The following AP5Z1 variants were observed in gnomAD, a reference collection of about 807,000 sequenced individuals.
AP5Z1 encodes adaptor related protein complex 5 subunit zeta 1.
AP5Z1 carries 106 observed loss-of-function variants against 83.0 expected under a neutral mutation model. The ratio of observed to expected loss-of-function variants is 1.28; its 90% CI spans 1.09 to 1.50. The LOEUF (loss-of-function observed/expected upper bound fraction) is 1.50, where lower values mean the gene tolerates loss of function less well. Ranked by LOEUF, AP5Z1 falls within the 40% of genes most tolerant of loss-of-function variation. The probability of loss-of-function intolerance (pLI) is 0.00; values close to 1 mark genes in which losing one functional copy is unlikely to be tolerated. For synonymous variants in AP5Z1, 751 were observed against 514.1 expected (o/e 1.46, Z -6.23); for missense variants, 1,565 against 1,094.2 (o/e 1.43, Z -6.07).
At chr7:4,779,536 C>T (rs977597151) in intron 1 of AP5Z1, among the ~76,000 whole-genome samples, 4 of 151,120 alleles carry the variant, frequency 2.6e-5, no homozygotes, top group South Asian at 2.1e-4. Context: ...TGCAGTGGCA[C>T]AATCTCAGCT....
chr7:4,776,560 TACAAAAA>T (rs1562401127), intron 1 of AP5Z1, among the ~76,000 whole-genome samples: 2 of 43,544 alleles, frequency 4.6e-5, no homozygotes, highest in African/African-American at 2.3e-4. Flanking sequence ...CTACTGAAAA[TACAAAAA>T]AAAAAAAAAA....
chr7:4,793,093 G>C lies in AP5Z1; in HGVS notation c.*1708G>C, dbSNP rs1781838407. 6.6e-6 allele frequency: 1 copy of C among 152,396 alleles called. No homozygotes were observed. The allele number at this position is 152,396 out of a possible 1,614,324, so 9.4% of individuals were successfully genotyped here. A position where few individuals can be genotyped will look rare whatever the true frequency, so the allele number is the denominator to read the frequency against. On this transcript the variant is annotated 3_prime_UTR_variant, in exon 17 of 17. Coordinates refer to ENST00000649063, the MANE Select transcript of AP5Z1 (RefSeq NM_014855.3). ...AGCCTGTGCAGCAGCGCCCGGCTTAGGACTGGGAGTGTGACTTGAAGGGCC... is the reference window on the plus strand; with the variant it reads ...AGCCTGTGCAGCAGCGCCCGGCTTACGACTGGGAGTGTGACTTGAAGGGCC...
intron 15 of AP5Z1, 37 bp from the exon 16 acceptor site, chr7:4,790,636 G>A (rs750450650): frequency 2.0e-5 from 32 of 1,612,142 alleles, no homozygotes; most frequent in Non-Finnish European, 2.5e-5. Flanking sequence ...GACCCAGGAG[G>A]CCTGGGTGGG....
In AP5Z1 at chr7:4,775,684, G is replaced by C; in HGVS notation, c.-32G>C. ...CTGGGCTGCAGCTCCTGGAGTTTCCGAGGTTCGTGCGCGTCTGGTGGCGGC... is the reference window on the plus strand; with the variant it reads ...CTGGGCTGCAGCTCCTGGAGTTTCCCAGGTTCGTGCGCGTCTGGTGGCGGC... On this transcript the variant is annotated 5_prime_UTR_variant, in exon 1 of 17. Transcript: ENST00000649063. 6.2e-7 allele frequency: 1 copy of C among 1,606,332 alleles called. No homozygotes were observed. The highest frequency in any genetic ancestry group is 8.5e-7 in the Non-Finnish European group (1 of 1,179,668).
rs1781736249 is a variant in AP5Z1 at position 4,790,698 on chromosome 7, CGGT to C, written c.1966_1968del (p.Val656del). 6 of 1,611,400 alleles carry C rather than the reference CGGT, an allele frequency of 3.7e-6. No individual in the cohort carries two copies. In the Middle Eastern group the frequency reaches 4.9e-4, roughly 133 times the overall value. Reference sequence around the variant, plus strand: ...GTGTGGGCCATCGGCGAGTACCTGTCGGTGACCTACGATCGGAGGTGCACCGTG... The same window carrying C: ...GTGTGGGCCATCGGCGAGTACCTGTCGACCTACGATCGGAGGTGCACCGTG... On this transcript the variant is annotated inframe_deletion, in exon 16 of 17. Transcript: ENST00000649063.
chr7:4,783,135 G>A (rs999025144), intron 3 of AP5Z1, among the ~76,000 whole-genome samples, 181 bp from the exon 4 acceptor site: 4 of 152,216 alleles, frequency 2.6e-5, no homozygotes, highest in Non-Finnish European at 4.4e-5. Flanking sequence ...GAGAGAGGCT[G>A]GAGGCGGAGC....
chr7:4,782,601 C>A (rs901836318), intron 3 of AP5Z1, among the ~76,000 whole-genome samples: 1 of 152,044 alleles, frequency 6.6e-6, no homozygotes, highest in Admixed American at 6.5e-5. Flanking sequence ...GTACTCAGGG[C>A]GTTGTACTTC....
chr7:4,791,576 G>A lies in AP5Z1; in HGVS notation c.*191G>A, dbSNP rs368324617. 1.2e-6 allele frequency: 1 copy of A among 841,906 alleles called. No individual in the cohort carries two copies. Among genetic ancestry groups the A allele is most frequent in the Non-Finnish European group, 1.8e-6 (1 of 558,390 alleles). The allele number at this position is 841,906 out of a possible 1,614,324, so 52.2% of individuals were successfully genotyped here. On this transcript the variant is annotated 3_prime_UTR_variant, in exon 17 of 17. Transcript: ENST00000649063. ...CTCACCCTCTGGGCTTTGTCTCCGA[G>A]CCTTTTGCTCCCAGGCAACACTGAG...
At chr7:4,779,420 T>C (rs958821789) in intron 1 of AP5Z1, among the ~76,000 whole-genome samples, 4 of 139,822 alleles carry the variant, frequency 2.9e-5, no homozygotes, top group African/African-American at 1.0e-4. Flanking sequence ...CATGATAACA[T>C]ATATATCATA....
chr7:4,784,630 C>T (rs959417214), intron 6 of AP5Z1, among the ~76,000 whole-genome samples: 2 of 152,168 alleles, frequency 1.3e-5, no homozygotes, highest in African/African-American at 4.8e-5. Flanking sequence ...TGTGAGAGCT[C>T]CCACTTAAGG....
Position 4,781,740 on chromosome 7 carries a change from G to T in AP5Z1, c.352G>T (p.Val118Phe). 6.4e-7 allele frequency: 1 copy of T among 1,570,728 alleles called. No homozygotes were observed. ...NSRQLSLVAS[V>F]LLAQGDRNEE... ...CCGGCAGCTGAGCCTGGTGGCCTCC[G>T]TTCTCTTGGCCCAGGTAGCGCAGCA... The change falls in exon 3 of 17, where the codon GTT (valine) becomes TTT (phenylalanine). Residue 118 changes from valine to phenylalanine, a missense_variant. Coordinates refer to ENST00000649063, the MANE Select transcript of AP5Z1 (RefSeq NM_014855.3).
At chr7:4,779,361 C>CATAT (rs1199380418) in intron 1 of AP5Z1, among the ~76,000 whole-genome samples, 1 of 139,838 alleles carries the variant, frequency 7.2e-6, no homozygotes, top group Non-Finnish European at 1.5e-5. Context: ...TGTTATATAT[C>CATAT]ATAACGTGTT....
chr7:4,777,538 C>T (rs370273731), intron 1 of AP5Z1, among the ~76,000 whole-genome samples: 2 of 152,112 alleles, frequency 1.3e-5, no homozygotes, highest in African/African-American at 4.8e-5. Context: ...CAGGCGCCCG[C>T]CACCACACCC....
chr7:4,777,906 G>T (rs992245940), intron 1 of AP5Z1, among the ~76,000 whole-genome samples: 1 of 152,204 alleles, frequency 6.6e-6, no homozygotes, highest in African/African-American at 2.4e-5. Context: ...ATAAATGACT[G>T]TAGTTTGAGG....
chr7:4,785,752 C>A, intron 9 of AP5Z1, 68 bp downstream of exon 9: 795 of 1,117,168 alleles, frequency 7.1e-4, no homozygotes, highest in Non-Finnish European at 8.7e-4. Context: ...GATGGAATTT[C>A]TTCTTCCCTT....
Position 4,793,587 on chromosome 7 carries a change from C to CGGGTGGGCGT in AP5Z1, c.*2206_*2215dup. ...GGTGCTTGCGGGCCAGCGCGAGTTC[C>CGGGTGGGCGT]GGGTGGGCGTGGGCTCTGTGGGCCC... On this transcript the variant is annotated 3_prime_UTR_variant, in exon 17 of 17. Coordinates refer to ENST00000649063, the MANE Select transcript of AP5Z1 (RefSeq NM_014855.3). The CGGGTGGGCGT allele has an allele frequency of 6.6e-6, 1 of 152,536 alleles. No homozygotes were observed. Among genetic ancestry groups the CGGGTGGGCGT allele is most frequent in the South Asian group, 2.1e-4 (1 of 4,846 alleles). The allele number at this position is 152,536 out of a possible 1,614,324, so 9.4% of individuals were successfully genotyped here. A position where few individuals can be genotyped will look rare whatever the true frequency, so the allele number is the denominator to read the frequency against.
chr7:4,786,459 A>G, intron 10 of AP5Z1, 31 bp downstream of exon 10: 1 of 1,608,670 alleles, frequency 6.2e-7, no homozygotes, highest in Non-Finnish European at 8.5e-7. Context: ...GTGCCAGGGC[A>G]GGGGCATGGT....
In AP5Z1 at chr7:4,781,425, T is replaced by G. The variant is rs145399025; in HGVS notation, c.179+113T>G. 0.021 allele frequency: 32,355 copies of G among 1,561,838 alleles called. 439 individuals carry two copies. Among genetic ancestry groups the G allele is most frequent in the Middle Eastern group, 0.048 (219 of 4,562 alleles). On this transcript the variant is annotated intron_variant, in intron 2 of 16. Coordinates refer to ENST00000649063, the MANE Select transcript of AP5Z1 (RefSeq NM_014855.3). ...CTTGGGGGTTGAGTCATTTGTCCAC[T>G]TAAACCAGTGCTGAAGGTCCATCCT...
intron 7 of AP5Z1, 138 bp downstream of exon 7, chr7:4,785,186 A>C (rs1781501564): frequency 7.1e-7 from 1 of 1,401,232 alleles, no homozygotes; most frequent in Admixed American, 2.6e-5. Context: ...GAGCAGGGGC[A>C]TTTTTGCTTC....
Sources: gnomAD v4.1 joint callset for allele counts (sites outside exome capture counted in the v4.1 genomes callset) on GRCh38, gnomAD v4.1.1 for gene constraint, MANE v1.5 for transcripts, NCBI Gene and HGNC (gene_info 2026-07-23, HGNC 2026-07-21) for gene names.